FOCAD: variants seen among roughly 807,000 people sequenced by gnomAD.
FOCAD encodes the protein KIAA1797.
FOCAD carries 198 observed loss-of-function variants against 225.6 expected under a neutral mutation model. The ratio of observed to expected loss-of-function variants is 0.88; its 90% CI spans 0.78 to 0.99. The LOEUF is 0.99. FOCAD is among the 50% of genes least tolerant of loss of function. The pLI is 0.00. For synonymous variants in FOCAD, 897 were observed against 755.0 expected (o/e 1.19, Z -3.08); for missense variants, 2,713 against 2,123.6 (o/e 1.28, Z -5.46).
intron 1 of FOCAD, among the ~76,000 whole-genome samples, chr9:20,694,210 T>C (rs955395567): frequency 1.3e-5 from 2 of 152,218 alleles, no homozygotes; most frequent in African/African-American, 4.8e-5. Context: ...GTGAAAGGAA[T>C]AGTCTAGGGC....
intron 15 of FOCAD, among the ~76,000 whole-genome samples, chr9:20,830,327 G>A (rs759284656): frequency 9.8e-4 from 149 of 152,054 alleles, no homozygotes; most frequent in Admixed American, 7.2e-4. Flanking sequence ...TTAATTTTTA[G>A]TGTTTTACTG....
chr9:20,951,200 A>T (rs1662341630), intron 34 of FOCAD, 102 bp downstream of exon 34: 1 of 841,088 alleles, frequency 1.2e-6, no homozygotes, highest in African/African-American at 1.7e-5. Flanking sequence ...AACCCTAAGT[A>T]ATGGGTATTA....
At chr9:20,963,057 T>G (rs1838906079) in intron 35 of FOCAD, among the ~76,000 whole-genome samples, 1 of 152,198 alleles carries the variant, frequency 6.6e-6, no homozygotes, top group South Asian at 2.1e-4. Context: ...AAATATTTTC[T>G]CAATTTCCAA....
intron 5 of FOCAD, among the ~76,000 whole-genome samples, chr9:20,746,984 T>G (rs1828090439): frequency 6.6e-6 from 1 of 152,304 alleles, no homozygotes; most frequent in Non-Finnish European, 1.5e-5. Context: ...CTCTTGCCCC[T>G]CATTGGGGAT....
chr9:20,828,009 A>G (rs941246575), intron 15 of FOCAD, among the ~76,000 whole-genome samples: 3 of 151,976 alleles, frequency 2.0e-5, no homozygotes, highest in East Asian at 1.9e-4. Context: ...TTGTCTCTAT[A>G]AAAATATGAA....
intron 11 of FOCAD, among the ~76,000 whole-genome samples, chr9:20,790,063 C>A (rs563429700): frequency 1.3e-5 from 2 of 152,238 alleles, no homozygotes; most frequent in African/African-American, 4.8e-5. Flanking sequence ...TTTATTGAGT[C>A]ATTTAATAGC....
chr9:20,693,040 C>G (rs1185627070), intron 1 of FOCAD, among the ~76,000 whole-genome samples: 1 of 152,184 alleles, frequency 6.6e-6, no homozygotes, highest in African/African-American at 2.4e-5. Context: ...AGTTAGATCT[C>G]TTCTCTGCCC....
chr9:20,792,970 AAG>A (rs1285641968), intron 11 of FOCAD, among the ~76,000 whole-genome samples: 1 of 152,218 alleles, frequency 6.6e-6, no homozygotes, highest in African/African-American at 2.4e-5. Context: ...CTGTGAGAAA[AAG>A]AGAAAATATA....
intron 11 of FOCAD, among the ~76,000 whole-genome samples, chr9:20,800,528 T>A (rs913954982): frequency 2.0e-5 from 3 of 152,172 alleles, no homozygotes. Context: ...CCCATATTTC[T>A]TGGAGGCTTT....
At chr9:20,771,259 C>T (rs541136764) in intron 8 of FOCAD, among the ~76,000 whole-genome samples, 1 of 152,326 alleles carries the variant, frequency 6.6e-6, no homozygotes, top group East Asian at 1.9e-4. Flanking sequence ...GCTTGTCTTC[C>T]ATGCCACACA....
intron 2 of FOCAD, among the ~76,000 whole-genome samples, chr9:20,670,697 C>T (rs1364084569): frequency 1.3e-5 from 2 of 152,114 alleles, no homozygotes; most frequent in African/African-American, 4.8e-5. Flanking sequence ...GGCCAGGGGA[C>T]ACAGCGCCAA....
chr9:20,776,796 T>A (rs1166003985), intron 8 of FOCAD, among the ~76,000 whole-genome samples: 1 of 152,222 alleles, frequency 6.6e-6, no homozygotes, highest in African/African-American at 2.4e-5. Context: ...TTGTTGTTGA[T>A]CGTTTTGGAA....
rs1353308498 is a variant in FOCAD, at chr9:20,773,069, G to A, written c.906+2831G>A. On this transcript the variant is annotated intron_variant, in intron 8 of 43. Coordinates refer to ENST00000338382, the MANE Select transcript of FOCAD (RefSeq NM_001375567.1). ...AGATAAATTGCCAGTTCTGTTAACT[G>A]TAAATGTAATATCCATGGGTAAAAC... Among the ~76,000 whole-genome samples, 8 of 152,154 alleles carry A rather than the reference G, an allele frequency of 5.3e-5. No homozygotes were observed. The East Asian group carries it at 1.3e-3, about 26-fold the overall frequency.
chr9:20,929,926 CT>C (rs928144241), intron 27 of FOCAD, among the ~76,000 whole-genome samples: 2 of 152,042 alleles, frequency 1.3e-5, no homozygotes, highest in Non-Finnish European at 2.9e-5. Context: ...TAAAAAGCTT[CT>C]TTTTTCTGGT....
At chr9:20,917,913 G>A (rs1834007053) in intron 24 of FOCAD, among the ~76,000 whole-genome samples, 1 of 152,142 alleles carries the variant, frequency 6.6e-6, no homozygotes, top group Admixed American at 6.5e-5. Context: ...CATGTCTTCT[G>A]GATAAAGAGA....
intron 11 of FOCAD, among the ~76,000 whole-genome samples, chr9:20,819,326 A>C (rs537450263): frequency 6.6e-6 from 1 of 151,996 alleles, no homozygotes; most frequent in African/African-American, 2.4e-5. Flanking sequence ...TGATCCTCCC[A>C]CCTTACCTTC....
At chr9:20,874,458 A>G in intron 18 of FOCAD, 1 of 445,374 alleles carries the variant, frequency 2.2e-6, no homozygotes, top group Non-Finnish European at 3.9e-6. Flanking sequence ...AGCTTTTTAT[A>G]CAGATCTGAG....
intron 11 of FOCAD, among the ~76,000 whole-genome samples, chr9:20,802,285 G>T (rs968859603): frequency 4.6e-5 from 7 of 152,022 alleles, no homozygotes; most frequent in Non-Finnish European, 8.8e-5. Flanking sequence ...AAGAAAACAA[G>T]CATGTAAATA....
At chr9:20,977,051 T>C (rs1251952626) in intron 36 of FOCAD, among the ~76,000 whole-genome samples, 2 of 152,326 alleles carry the variant, frequency 1.3e-5, no homozygotes, top group East Asian at 1.9e-4. Context: ...CTAGAGGTTC[T>C]AGGGAGGAAT....
Sources: allele counts gnomAD v4.1 joint callset (sites outside exome capture counted in the v4.1 genomes callset), GRCh38; gene constraint gnomAD v4.1.1; transcripts MANE v1.5; gene names NCBI Gene and HGNC (gene_info 2026-07-23, HGNC 2026-07-21).